PALD1: variants seen among roughly 807,000 people sequenced by gnomAD.
PALD1 encodes paladin.
A neutral mutation model predicts 96.0 loss-of-function variants in PALD1; 57 were observed. That is an observed-to-expected ratio of 0.59 (90% CI 0.48 to 0.74). The LOEUF is 0.74. Ranked by LOEUF, PALD1 falls within the 30% of genes least tolerant of loss-of-function variation. The probability of loss-of-function intolerance (pLI) is 0.00; values close to 1 mark genes in which losing one functional copy is unlikely to be tolerated. For missense variants in PALD1, 1,063 were observed against 1,143.7 expected (o/e 0.93, Z 1.02); for synonymous variants, 464 against 473.6 (o/e 0.98, Z 0.26).
chr10:70,558,547 G>T (rs1847663348), intron 18 of PALD1, among the ~76,000 whole-genome samples: 1 of 152,140 alleles, frequency 6.6e-6, no homozygotes, highest in African/African-American at 2.4e-5. Flanking sequence ...ACGGAGATCT[G>T]CGGCAGGCAG....
intron 1 of PALD1, among the ~76,000 whole-genome samples, chr10:70,482,776 G>T (rs1845955381): frequency 6.6e-6 from 1 of 152,144 alleles, no homozygotes; most frequent in South Asian, 2.1e-4. Context: ...TGTGTAACAG[G>T]GTTAAGGATA....
chr10:70,486,669 G>A lies in PALD1; in HGVS notation c.-30+7610G>A, dbSNP rs182533919. 4.0e-3 allele frequency among the ~76,000 whole-genome samples: 609 copies of A among 152,246 alleles called. 2 individuals carry two copies. The highest frequency in any genetic ancestry group is 0.014 in the Middle Eastern group (4 of 294). On this transcript the variant is annotated intron_variant, in intron 1 of 19. Transcript: ENST00000263563. ...CCAGCTACTCAGGAGGCTGAGACTG[G>A]AGAATAGCTTGAACCCAGGAGGCAG... is the stretch of plus-strand genomic sequence containing the variant.
At chr10:70,557,525 G>A (rs1324830890) in intron 18 of PALD1, among the ~76,000 whole-genome samples, 3 of 152,214 alleles carry the variant, frequency 2.0e-5, no homozygotes, top group African/African-American at 7.2e-5. Flanking sequence ...TGTCACCTTT[G>A]GAAAATGGGT....
chr10:70,503,358 G>A (rs1042963346), intron 1 of PALD1, among the ~76,000 whole-genome samples: 6 of 152,100 alleles, frequency 3.9e-5, no homozygotes, highest in Admixed American at 1.3e-4. Context: ...ATAATAGGCC[G>A]GGCACAATGG....
At chr10:70,472,857 T>C in the PALD1 span, among the ~76,000 whole-genome samples, 1 of 152,230 alleles carries the variant, frequency 6.6e-6, no homozygotes, top group Non-Finnish European at 1.5e-5. Flanking sequence ...AGGAATCTTC[T>C]GATGTTGATA....
intron 18 of PALD1, among the ~76,000 whole-genome samples, chr10:70,556,839 C>G (rs1039725498): frequency 6.6e-6 from 1 of 152,192 alleles, no homozygotes; most frequent in Non-Finnish European, 1.5e-5. Context: ...GAGACCCTGA[C>G]TTGGTGCCTG....
At chr10:70,480,907 C>A (rs1845919622) in intron 1 of PALD1, among the ~76,000 whole-genome samples, 2 of 152,204 alleles carry the variant, frequency 1.3e-5, no homozygotes, top group African/African-American at 4.8e-5. Context: ...TACTTGAGGA[C>A]AGACACAGGA....
At chr10:70,513,282 G>T (rs970303851) in intron 1 of PALD1, among the ~76,000 whole-genome samples, 1 of 152,090 alleles carries the variant, frequency 6.6e-6, no homozygotes, top group Non-Finnish European at 1.5e-5. Flanking sequence ...ATCATTTGAG[G>T]TTAGGAGTTC....
At chr10:70,486,576 C>G (rs1256412242) in intron 1 of PALD1, among the ~76,000 whole-genome samples, 1 of 152,088 alleles carries the variant, frequency 6.6e-6, no homozygotes, top group East Asian at 1.9e-4. Flanking sequence ...GCCTGGCCAA[C>G]ATGGTGAAAC....
At chr10:70,486,515 C>G (rs1483726190) in intron 1 of PALD1, among the ~76,000 whole-genome samples, 1 of 152,158 alleles carries the variant, frequency 6.6e-6, no homozygotes, top group African/African-American at 2.4e-5. Context: ...AATCCCAGCA[C>G]TTTGGGAGGC....
intron 17 of PALD1, among the ~76,000 whole-genome samples, chr10:70,546,698 T>A (rs1288025264): frequency 1.3e-5 from 2 of 152,186 alleles, no homozygotes; most frequent in African/African-American, 2.4e-5. Flanking sequence ...GGAATAACTT[T>A]CCAGCACTTT....
chr10:70,566,815 C>A lies in PALD1; in HGVS notation c.*82C>A. On this transcript the variant is annotated 3_prime_UTR_variant, in exon 20 of 20. Transcript: ENST00000263563. Reference sequence around the variant, plus strand: ...GAGGTGCTCTTGGCTGGGAGCGGCCCTGAGGGGTGCTGGCCTTGAAATGAT... The same window carrying A: ...GAGGTGCTCTTGGCTGGGAGCGGCCATGAGGGGTGCTGGCCTTGAAATGAT... 2 of 880,176 alleles carry A rather than the reference C, an allele frequency of 2.3e-6. No homozygotes were observed. The highest frequency in any genetic ancestry group is 1.7e-5 in the South Asian group (1 of 58,654). The allele number at this position is 880,176 out of a possible 1,614,324, so 54.5% of individuals were successfully genotyped here. A position where few individuals can be genotyped will look rare whatever the true frequency, so the allele number is the denominator to read the frequency against.
At chr10:70,461,092 C>T in the PALD1 span, among the ~76,000 whole-genome samples, 10 of 152,328 alleles carry the variant, frequency 6.6e-5, no homozygotes, top group South Asian at 2.1e-4. Context: ...TCCAGAACCC[C>T]GGCCTGCGGG....
At chr10:70,461,506 G>A in the PALD1 span, among the ~76,000 whole-genome samples, 1 of 152,220 alleles carries the variant, frequency 6.6e-6, no homozygotes, top group African/African-American at 2.4e-5. Flanking sequence ...CAGCACCCAG[G>A]AAACACGTGT....
Position 70,550,610 on chromosome 10 carries a change from A to G in PALD1, c.2262+3164A>G, listed in dbSNP as rs12783355. Among the ~76,000 whole-genome samples the G allele has an allele frequency of 3.3e-5, 5 of 152,170 alleles. No homozygotes were observed. The East Asian group carries it at 7.7e-4, about 24-fold the overall frequency. On this transcript the variant is annotated intron_variant, in intron 18 of 19. Transcript: ENST00000263563. ...ACATTTTTCATCACCCTAAAAAGAAACCTCACACCCGCTAGCAATCGCTTC... is the reference window on the plus strand; with the variant it reads ...ACATTTTTCATCACCCTAAAAAGAAGCCTCACACCCGCTAGCAATCGCTTC...
At position 70,566,817 on chromosome 10, in the gene PALD1, G is replaced by A; in HGVS notation, c.*84G>A. On this transcript the variant is annotated 3_prime_UTR_variant, in exon 20 of 20. Coordinates refer to ENST00000263563, the MANE Select transcript of PALD1 (RefSeq NM_014431.3). ...GGTGCTCTTGGCTGGGAGCGGCCCT[G>A]AGGGGTGCTGGCCTTGAAATGATTC... 9.1e-6 allele frequency: 8 copies of A among 879,082 alleles called. No individual in the cohort carries two copies. In the South Asian group the frequency reaches 1.4e-4, roughly 15 times the overall value. The allele number at this position is 879,082 out of a possible 1,614,324, so 54.5% of individuals were successfully genotyped here.
At chr10:70,460,719 C>A in the PALD1 span, among the ~76,000 whole-genome samples, 5,628 of 152,286 alleles carry the variant, frequency 0.037, 146 homozygotes, top group African/African-American at 0.073. Context: ...CATCACTCCC[C>A]TCACTGAAAC....
chr10:70,563,452 C>T (rs553691696), intron 18 of PALD1, among the ~76,000 whole-genome samples: 3 of 152,336 alleles, frequency 2.0e-5, no homozygotes, highest in African/African-American at 4.8e-5. Flanking sequence ...CGCCCCAGCA[C>T]GTGGCCTGGT....
At chr10:70,485,005 T>C (rs1489192178) in intron 1 of PALD1, among the ~76,000 whole-genome samples, 2 of 152,214 alleles carry the variant, frequency 1.3e-5, no homozygotes, top group Non-Finnish European at 2.9e-5. Flanking sequence ...TTTAAGAATA[T>C]GGAAAGAAAT....
Sources: allele counts gnomAD v4.1 joint callset (sites outside exome capture counted in the v4.1 genomes callset), GRCh38; gene constraint gnomAD v4.1.1; transcripts MANE v1.5; gene names NCBI Gene and HGNC (gene_info 2026-07-23, HGNC 2026-07-21).